CACNB2: variants seen among roughly 807,000 people sequenced by gnomAD.
CACNB2 encodes calcium voltage-gated channel auxiliary subunit beta 2.
Under a neutral mutation model 73.3 loss-of-function variants are expected in CACNB2, and 42 were observed. That is an observed-to-expected ratio of 0.57 (90% CI 0.45 to 0.74). CACNB2 has a LOEUF of 0.74. CACNB2 is among the 30% of genes least tolerant of loss of function. The pLI is 0.00. For missense variants in CACNB2, 940 were observed against 853.0 expected (o/e 1.10, Z -1.27); for synonymous variants, 348 against 310.3 (o/e 1.12, Z -1.28).
At chr10:18,351,071 G>C (rs1296330385) in intron 2 of CACNB2, among the ~76,000 whole-genome samples, 1 of 151,682 alleles carries the variant, frequency 6.6e-6, no homozygotes, top group Non-Finnish European at 1.5e-5. Context: ...CAATAGCATA[G>C]AGTCATTCTC....
intron 3 of CACNB2, among the ~76,000 whole-genome samples, chr10:18,473,211 T>C (rs1446778560): frequency 6.6e-6 from 1 of 152,170 alleles, no homozygotes; most frequent in African/African-American, 2.4e-5. Context: ...CGCTCGCCTG[T>C]TAACGTATCA....
At chr10:18,342,907 G>A (rs1474839712) in intron 2 of CACNB2, among the ~76,000 whole-genome samples, 3 of 152,048 alleles carry the variant, frequency 2.0e-5, no homozygotes, top group Non-Finnish European at 4.4e-5. Flanking sequence ...AATAAACTGT[G>A]TGGTCTTTAT....
chr10:18,281,987 A>G (rs1011401386), intron 2 of CACNB2, among the ~76,000 whole-genome samples: 11 of 151,448 alleles, frequency 7.3e-5, no homozygotes, highest in Admixed American at 1.3e-4. Context: ...CTCAAAAAAA[A>G]AAAAAAAAAA....
chr10:18,502,802 A>C (rs906509882), intron 5 of CACNB2, among the ~76,000 whole-genome samples: 1 of 151,230 alleles, frequency 6.6e-6, no homozygotes, highest in Non-Finnish European at 1.5e-5. Flanking sequence ...ACTGGGGACT[A>C]CTTGAGGGTG....
chr10:18,163,766 T>C (rs2032646757), intron 2 of CACNB2, among the ~76,000 whole-genome samples: 1 of 151,968 alleles, frequency 6.6e-6, no homozygotes, highest in African/African-American at 2.4e-5. Flanking sequence ...GTAGAGTGGG[T>C]GGGAATGGAC....
intron 2 of CACNB2, among the ~76,000 whole-genome samples, chr10:18,157,647 C>T (rs931114281): frequency 6.6e-6 from 1 of 152,164 alleles, no homozygotes. Flanking sequence ...GACTTTTCCA[C>T]AGTCACGTCA....
intron 2 of CACNB2, among the ~76,000 whole-genome samples, chr10:18,199,733 G>T (rs532800997): frequency 6.6e-6 from 1 of 152,276 alleles, no homozygotes; most frequent in South Asian, 2.1e-4. Context: ...TAATTACTTT[G>T]TCTTCTGTAT....
At chr10:18,331,289 T>A (rs2132016892) in intron 2 of CACNB2, among the ~76,000 whole-genome samples, 1 of 151,848 alleles carries the variant, frequency 6.6e-6, no homozygotes, top group South Asian at 2.1e-4. Flanking sequence ...TGGCCATAAA[T>A]TTTTTTTGAT....
intron 2 of CACNB2, among the ~76,000 whole-genome samples, chr10:18,201,070 C>T (rs1178218693): frequency 6.6e-6 from 1 of 152,060 alleles, no homozygotes; most frequent in African/African-American, 2.4e-5. Flanking sequence ...TTTTAATGCC[C>T]CTCTAGGAGA....
intron 2 of CACNB2, among the ~76,000 whole-genome samples, chr10:18,174,144 C>T (rs892075773): frequency 2.0e-5 from 3 of 151,992 alleles, no homozygotes; most frequent in Non-Finnish European, 4.4e-5. Flanking sequence ...AAACTTAGCA[C>T]CTTTGAAGAT....
intron 2 of CACNB2, among the ~76,000 whole-genome samples, chr10:18,275,578 C>T (rs1246701624): frequency 6.6e-6 from 1 of 151,984 alleles, no homozygotes; most frequent in African/African-American, 2.4e-5. Flanking sequence ...AATGAACCTG[C>T]ACATCCTGCA....
chr10:18,274,539 G>A (rs183664282), intron 2 of CACNB2, among the ~76,000 whole-genome samples: 1 of 152,248 alleles, frequency 6.6e-6, no homozygotes, highest in African/African-American at 2.4e-5. Context: ...TGAAGAGAGG[G>A]TCAGAACTTC....
intron 3 of CACNB2, among the ~76,000 whole-genome samples, chr10:18,473,555 G>A (rs2048295832): frequency 6.6e-6 from 1 of 152,134 alleles, no homozygotes; most frequent in Admixed American, 6.5e-5. Flanking sequence ...AATGACGCAT[G>A]CAGAGCATTT....
At chr10:18,353,239 A>G (rs985199433) in intron 2 of CACNB2, among the ~76,000 whole-genome samples, 2 of 152,110 alleles carry the variant, frequency 1.3e-5, no homozygotes, top group African/African-American at 2.4e-5. Flanking sequence ...GTGAAACCCC[A>G]TATCTACTAA....
chr10:18,178,729 T>G (rs1449801256), intron 2 of CACNB2, among the ~76,000 whole-genome samples: 1 of 152,228 alleles, frequency 6.6e-6, no homozygotes, highest in African/African-American at 2.4e-5. Flanking sequence ...TCAGTGTTCC[T>G]GCTTTTGCTA....
chr10:18,459,953 G>T (rs951997499), intron 3 of CACNB2, among the ~76,000 whole-genome samples: 2 of 152,066 alleles, frequency 1.3e-5, no homozygotes, highest in African/African-American at 4.8e-5. Flanking sequence ...AGCCGAGATC[G>T]CACCACTGCA....
chr10:18,536,111 G>A lies in CACNB2; in HGVS notation c.1217G>A (p.Arg406Lys). The A allele has an allele frequency of 1.3e-6, 2 of 1,599,628 alleles. No individual in the cohort carries two copies. The highest frequency in any genetic ancestry group is 1.7e-6 in the Non-Finnish European group (2 of 1,167,152). ...CATTATCTTTTACAGGTTTTACAAAGGTTAATAAAATCTCGAGGGAAATCT... is the reference window on the plus strand; with the variant it reads ...CATTATCTTTTACAGGTTTTACAAAAGTTAATAAAATCTCGAGGGAAATCT... ...VKISSPKVLQ[R>K]LIKSRGKSQA... Residue 406 changes from arginine to lysine, a missense_variant, in exon 12 of 14, where the codon AGG (arginine) becomes AAG (lysine). Transcript: ENST00000324631.
intron 3 of CACNB2, among the ~76,000 whole-genome samples, chr10:18,495,860 G>C (rs1262554566): frequency 6.6e-6 from 1 of 151,760 alleles, no homozygotes; most frequent in Non-Finnish European, 1.5e-5. Flanking sequence ...TACTCTCAAG[G>C]ATTGTGTTTC....
intron 2 of CACNB2, among the ~76,000 whole-genome samples, chr10:18,277,336 G>A (rs1319316647): frequency 2.6e-5 from 4 of 152,184 alleles, no homozygotes; most frequent in Admixed American, 1.3e-4. Flanking sequence ...CCAGAGTGAA[G>A]ATCAAAAGTC....
Sources: gnomAD v4.1 joint callset for allele counts (sites outside exome capture counted in the v4.1 genomes callset) on GRCh38, gnomAD v4.1.1 for gene constraint, MANE v1.5 for transcripts, NCBI Gene and HGNC (gene_info 2026-07-23, HGNC 2026-07-21) for gene names.